BTRC: variants seen among roughly 807,000 people sequenced by gnomAD.
BTRC encodes F-box/WD repeat-containing protein 1A.
In BTRC, 42 loss-of-function variants were observed where a neutral mutation model predicts 85.5. That is an observed-to-expected ratio of 0.49 (90% CI 0.38 to 0.64). BTRC has a LOEUF of 0.64. BTRC is among the 30% of genes least tolerant of loss of function. The probability of loss-of-function intolerance (pLI) is 0.00; values close to 1 mark genes in which losing one functional copy is unlikely to be tolerated. For missense variants in BTRC, 594 were observed against 743.5 expected, an observed-to-expected ratio of 0.80 and a Z score of 2.34; for synonymous variants, 255 against 263.3, an observed-to-expected ratio of 0.97 and a Z score of 0.30.
At chr10:101,435,480 T>G (rs1944504318) in intron 2 of BTRC, among the ~76,000 whole-genome samples, 1 of 152,218 alleles carries the variant, frequency 6.6e-6, no homozygotes. Flanking sequence ...CTGTTTTCTT[T>G]CAATCAGTAT....
At chr10:101,369,471 G>A (rs1166548615) in intron 1 of BTRC, among the ~76,000 whole-genome samples, 1 of 152,014 alleles carries the variant, frequency 6.6e-6, no homozygotes, top group African/African-American at 2.4e-5. Context: ...GTTTTTTGGT[G>A]TCATTGAGCA....
intron 3 of BTRC, among the ~76,000 whole-genome samples, chr10:101,462,635 C>T (rs1255621402): frequency 3.4e-5 from 5 of 148,268 alleles, no homozygotes; most frequent in Non-Finnish European, 5.9e-5. Flanking sequence ...GCTGAGATTG[C>T]GCCATTGCAC....
intron 1 of BTRC, among the ~76,000 whole-genome samples, chr10:101,410,282 G>A (rs929074701): frequency 2.6e-5 from 4 of 151,884 alleles, no homozygotes; most frequent in Non-Finnish European, 4.4e-5. Flanking sequence ...GTACATTATC[G>A]TGGTTTTGAT....
chr10:101,403,836 C>T (rs1943546650), intron 1 of BTRC, among the ~76,000 whole-genome samples: 1 of 151,730 alleles, frequency 6.6e-6, no homozygotes, highest in South Asian at 2.1e-4. Flanking sequence ...CTGAAGCAAT[C>T]CTCCTGCCTT....
intron 1 of BTRC, among the ~76,000 whole-genome samples, chr10:101,370,579 T>C (rs1296299633): frequency 6.6e-6 from 1 of 152,076 alleles, no homozygotes; most frequent in African/African-American, 2.4e-5. Context: ...TTTTTCTCTT[T>C]GCTTATCCCA....
intron 2 of BTRC, among the ~76,000 whole-genome samples, chr10:101,446,929 G>A (rs557777764): frequency 7.4e-6 from 1 of 135,046 alleles, no homozygotes; most frequent in African/African-American, 2.8e-5. Context: ...TAGGGAGAAG[G>A]ATACAAGATT....
At chr10:101,529,628 G>A (rs758199044) in intron 6 of BTRC, among the ~76,000 whole-genome samples, 1 of 152,058 alleles carries the variant, frequency 6.6e-6, no homozygotes, top group Non-Finnish European at 1.5e-5. Flanking sequence ...GGTGTATCAT[G>A]TTTCATTAAT....
chr10:101,464,323 A>G lies in BTRC; in HGVS notation c.234+2265A>G, dbSNP rs529156038. Among the ~76,000 whole-genome samples the G allele has an allele frequency of 3.3e-5, 5 of 152,334 alleles. No individual in the cohort carries two copies. The East Asian group carries it at 7.7e-4, about 23-fold the overall frequency. The stretch of plus-strand genomic sequence containing the variant: ...TGAAGCAAGAGAGAGAATCATGCCT[A>G]TTAAGTCCAGCACATACAGATGGAC... On this transcript the variant is annotated intron_variant, in intron 3 of 14. Coordinates refer to ENST00000370187, the MANE Select transcript of BTRC (RefSeq NM_033637.4).
chr10:101,499,043 G>C (rs1946336860), intron 4 of BTRC, among the ~76,000 whole-genome samples: 1 of 151,930 alleles, frequency 6.6e-6, no homozygotes, highest in Non-Finnish European at 1.5e-5. Flanking sequence ...TAGTAACCAT[G>C]TACATGCTAG....
At position 101,538,818 on chromosome 10, in the gene BTRC, C is replaced by T. The variant is rs542363695; in HGVS notation, c.1656+447C>T. ...ATCCCAGCACTTTGGGAGGTCAAGGCAGATGGATCACCTGAGATCAGGAGT... is the reference window on the plus strand; with the variant it reads ...ATCCCAGCACTTTGGGAGGTCAAGGTAGATGGATCACCTGAGATCAGGAGT... On this transcript the variant is annotated intron_variant, in intron 13 of 14. Coordinates refer to ENST00000370187, the MANE Select transcript of BTRC (RefSeq NM_033637.4). 6.8e-4 allele frequency among the ~76,000 whole-genome samples: 103 copies of T among 152,148 alleles called. 2 individuals are homozygous for T. Among genetic ancestry groups the T allele is most frequent in the African/African-American group, 2.4e-3 (98 of 41,520 alleles).
chr10:101,437,770 A>C (rs1200036978), intron 2 of BTRC, among the ~76,000 whole-genome samples: 1 of 152,128 alleles, frequency 6.6e-6, no homozygotes, highest in Non-Finnish European at 1.5e-5. Flanking sequence ...GTCATTTCAA[A>C]TTTTGCAGTT....
At chr10:101,396,379 A>G (rs568269173) in intron 1 of BTRC, among the ~76,000 whole-genome samples, 1 of 149,424 alleles carries the variant, frequency 6.7e-6, no homozygotes, top group South Asian at 2.1e-4. Context: ...TTCTGCCACT[A>G]TGCGAAAACT....
chr10:101,422,432 T>C (rs1944128295), intron 1 of BTRC, among the ~76,000 whole-genome samples: 1 of 152,254 alleles, frequency 6.6e-6, no homozygotes, highest in Non-Finnish European at 1.5e-5. Context: ...GCCTGTTCAC[T>C]CTGATGGTAG....
At chr10:101,386,167 T>G in intron 1 of BTRC, among the ~76,000 whole-genome samples, 1 of 152,212 alleles carries the variant, frequency 6.6e-6, no homozygotes, top group Middle Eastern at 3.2e-3. Context: ...CAGATACACT[T>G]AAATCCTTTG....
chr10:101,434,043 A>G (rs907992398), intron 2 of BTRC, among the ~76,000 whole-genome samples: 1 of 152,220 alleles, frequency 6.6e-6, no homozygotes, highest in Non-Finnish European at 1.5e-5. Context: ...TATGAAAAAT[A>G]TATTTTTCAA....
At chr10:101,527,647 A>G (rs2062212394) in intron 6 of BTRC, among the ~76,000 whole-genome samples, 1 of 152,056 alleles carries the variant, frequency 6.6e-6, no homozygotes, top group African/African-American at 2.4e-5. Context: ...CCAGCCACTC[A>G]GGAGGCTAAG....
intron 4 of BTRC, among the ~76,000 whole-genome samples, chr10:101,479,851 A>G (rs1328514928): frequency 6.6e-6 from 1 of 152,220 alleles, no homozygotes; most frequent in African/African-American, 2.4e-5. Flanking sequence ...CCCAATTATT[A>G]TATCACTATT....
intron 1 of BTRC, among the ~76,000 whole-genome samples, chr10:101,388,904 G>A (rs1474169667): frequency 6.6e-6 from 1 of 152,092 alleles, no homozygotes; most frequent in Non-Finnish European, 1.5e-5. Flanking sequence ...TTATGTTAGA[G>A]TTTCTTAGCC....
intron 6 of BTRC, among the ~76,000 whole-genome samples, chr10:101,526,914 A>T (rs2062200735): frequency 6.6e-6 from 1 of 152,212 alleles, no homozygotes; most frequent in South Asian, 2.1e-4. Context: ...CCAAAGCATC[A>T]TATAGTTAGC....
Sources: gnomAD v4.1 joint callset for allele counts (sites outside exome capture counted in the v4.1 genomes callset) on GRCh38, gnomAD v4.1.1 for gene constraint, MANE v1.5 for transcripts, NCBI Gene and HGNC (gene_info 2026-07-23, HGNC 2026-07-21) for gene names.